The following TMEM156 variants were observed in gnomAD, a reference collection of about 807,000 sequenced individuals.
TMEM156 encodes transmembrane protein 156.
Under a neutral mutation model 30.5 loss-of-function variants are expected in TMEM156, and 28 were observed. The ratio of observed to expected loss-of-function variants is 0.92; its 90% CI spans 0.68 to 1.26. The LOEUF (loss-of-function observed/expected upper bound fraction) is 1.26, where lower values mean the gene tolerates loss of function less well. Among genes scored for constraint, TMEM156 ranks in the 50% most tolerant of loss-of-function variants. The pLI is 0.00. For synonymous variants in TMEM156, 137 were observed against 119.9 expected, an observed-to-expected ratio of 1.14 and a Z score of -0.93; for missense variants, 351 against 340.6, an observed-to-expected ratio of 1.03 and a Z score of -0.24.
At position 38,993,872 on chromosome 4, in the gene TMEM156, T is replaced by C. The variant is rs1712730839; in HGVS notation, c.485A>G (p.Lys162Arg). Residue 162 changes from lysine (K) to arginine (R), a missense_variant, in exon 3 of 7, where the codon AAA becomes AGA. By Grantham distance (26) the Lys-to-Arg change is conservative. Transcript: ENST00000381938. ...GATTGTTGATCTTCCAGTGTGGTTT[T>C]TTAGATGACAGGTAGTGTTATATTC... ...LEEYNTTCHL[K>R]NHTGRSTIME... 6.2e-7 allele frequency: 1 copy of C among 1,614,022 alleles called. No individual in the cohort carries two copies. Among genetic ancestry groups the C allele is most frequent in the Non-Finnish European group, 8.5e-7 (1 of 1,180,026 alleles).
chr4:38,978,683 C>G (rs955563782), intron 5 of TMEM156, among the ~76,000 whole-genome samples: 1 of 152,146 alleles, frequency 6.6e-6, no homozygotes, highest in Non-Finnish European at 1.5e-5. Context: ...AAAATTATTC[C>G]CAATCCAAAG....
At chr4:39,002,316 A>C (rs1713421487) in intron 1 of TMEM156, among the ~76,000 whole-genome samples, 1 of 152,138 alleles carries the variant, frequency 6.6e-6, no homozygotes, top group Non-Finnish European at 1.5e-5. Context: ...GAGAAATGCA[A>C]ATCAAAACCA....
At position 38,967,348 on chromosome 4, in the gene TMEM156, A is replaced by G. The variant is rs1354753019; in HGVS notation, c.*332T>C. 6.6e-6 allele frequency: 1 copy of G among 152,224 alleles called. No homozygotes were observed. Among genetic ancestry groups the G allele is most frequent in the Non-Finnish European group, 1.5e-5 (1 of 68,042 alleles). The allele number at this position is 152,224 out of a possible 1,614,324, so 9.4% of individuals were successfully genotyped here. ...AAAACTTGGCTCCACTCTGTGCTGT[A>G]TAATGATAGATTTTTTTTAAGAAGA... On this transcript the variant is annotated 3_prime_UTR_variant, in exon 7 of 7. Coordinates refer to ENST00000381938, the MANE Select transcript of TMEM156 (RefSeq NM_024943.3).
Position 38,999,124 on chromosome 4 carries a change from T to A in TMEM156, c.89-215A>T, listed in dbSNP as rs1006935962. On this transcript the variant is annotated intron_variant, in intron 1 of 6. Coordinates refer to ENST00000381938, the MANE Select transcript of TMEM156 (RefSeq NM_024943.3). ...TTTATTTATTTATTTTTTTTTTTTT[T>A]TTTTTTTTTTGAGACTGGATCTTGC... 5.7e-3 allele frequency among the ~76,000 whole-genome samples: 833 copies of A among 147,210 alleles called. 13 individuals carry two copies. Among genetic ancestry groups the A allele is most frequent in the South Asian group, 0.021 (99 of 4,676 alleles).
intron 6 of TMEM156, among the ~76,000 whole-genome samples, chr4:38,968,072 G>A (rs1045903912): frequency 1.3e-5 from 2 of 152,206 alleles, no homozygotes; most frequent in African/African-American, 4.8e-5. Context: ...GACTGATTCT[G>A]TGTTACGCCA....
chr4:39,004,012 G>A (rs1713557999), intron 1 of TMEM156, among the ~76,000 whole-genome samples: 1 of 151,954 alleles, frequency 6.6e-6, no homozygotes, highest in Admixed American at 6.6e-5. Flanking sequence ...TAATTGAATT[G>A]GAAAAGAAAT....
chr4:39,003,119 T>C (rs1489630865), intron 1 of TMEM156, among the ~76,000 whole-genome samples: 1 of 152,186 alleles, frequency 6.6e-6, no homozygotes, highest in African/African-American at 2.4e-5. Flanking sequence ...AGCTCATGAT[T>C]GATATTAAAG....
intron 1 of TMEM156, among the ~76,000 whole-genome samples, chr4:39,008,533 A>G (rs575482438): frequency 3.9e-5 from 6 of 152,096 alleles, no homozygotes; most frequent in Non-Finnish European, 7.4e-5. Context: ...TTCTATGTCT[A>G]TATTTATAAC....
In TMEM156 at chr4:38,992,748, T is replaced by TAA. The variant is rs376415068; in HGVS notation, c.619+989_619+990insTT. Among the ~76,000 whole-genome samples, 47 of 47,738 alleles carry TAA rather than the reference T, an allele frequency of 9.8e-4. 1 individual carries two copies. The highest frequency in any genetic ancestry group is 3.3e-3 in the African/African-American group (46 of 14,118). The allele number at this position is 47,738 out of a possible 152,430, so 31.3% of individuals were successfully genotyped here. On this transcript the variant is annotated intron_variant, in intron 3 of 6. Transcript: ENST00000381938. ...TAATATATATATAATATATAATATATTATATATATATATATTTTTTTTTGT... is the reference window on the plus strand; with the variant it reads ...TAATATATATATAATATATAATATATAATATATATATATATATTTTTTTTTGT...
chr4:39,019,693 T>TTA (rs1033091591), intron 1 of TMEM156, among the ~76,000 whole-genome samples: 3 of 152,144 alleles, frequency 2.0e-5, no homozygotes, highest in Non-Finnish European at 2.9e-5. Context: ...CTAACAAAAA[T>TTA]TATATATATA....
chr4:38,994,721 G>A (rs62294551), intron 2 of TMEM156, among the ~76,000 whole-genome samples: 11,941 of 152,232 alleles, frequency 0.078, 554 homozygotes, highest in Middle Eastern at 0.14. Context: ...GCCGAGGCAG[G>A]CAGATCACCT....
chr4:38,992,762 A>ATT (rs202114913), intron 3 of TMEM156, among the ~76,000 whole-genome samples: 1 of 95,784 alleles, frequency 1.0e-5, no homozygotes, highest in African/African-American at 4.1e-5. Context: ...ATATATATAT[A>ATT]TTTTTTTTTG....
chr4:38,971,830 C>T (rs1479209508), intron 5 of TMEM156, among the ~76,000 whole-genome samples: 1 of 151,976 alleles, frequency 6.6e-6, no homozygotes, highest in Non-Finnish European at 1.5e-5. Context: ...GCTCTTGTTG[C>T]CCAGCCTAGA....
At chr4:39,004,599 T>C (rs1448845605) in intron 1 of TMEM156, among the ~76,000 whole-genome samples, 1 of 152,154 alleles carries the variant, frequency 6.6e-6, no homozygotes, top group Non-Finnish European at 1.5e-5. Flanking sequence ...GATTTGCTTT[T>C]ACTTTGCTTA....
At chr4:38,977,454 T>A (rs960169987) in intron 5 of TMEM156, among the ~76,000 whole-genome samples, 1 of 152,156 alleles carries the variant, frequency 6.6e-6, no homozygotes. Flanking sequence ...GTATCCAAAG[T>A]CATGTAACTT....
rs1370126501 is a variant in TMEM156, at chr4:38,988,879, T to C, written c.711A>G (p.Glu237=). 1 of 1,614,064 alleles carries C rather than the reference T, an allele frequency of 6.2e-7. No individual in the cohort carries two copies. Among genetic ancestry groups the C allele is most frequent in the East Asian group, 2.2e-5 (1 of 44,862 alleles). ...LIILTIRKIL[E]GQRRVQKWQS... ...GCCACTTTTGCACTCTTCTCTGGCCTTCAAGTATTTTGCGGATAGTGAGGA... is the reference window on the plus strand; with the variant it reads ...GCCACTTTTGCACTCTTCTCTGGCCCTCAAGTATTTTGCGGATAGTGAGGA... The change falls in exon 4 of 7, where the codon GAA becomes GAG. Residue 237 remains glutamate, a synonymous_variant. Coordinates refer to ENST00000381938, the MANE Select transcript of TMEM156 (RefSeq NM_024943.3).
intron 5 of TMEM156, among the ~76,000 whole-genome samples, chr4:38,976,605 G>A (rs890867418): frequency 6.6e-6 from 1 of 152,224 alleles, no homozygotes; most frequent in Non-Finnish European, 1.5e-5. Context: ...TAATAAGTGT[G>A]TGCTGTTTTA....
At chr4:39,003,078 A>G (rs1362068185) in intron 1 of TMEM156, among the ~76,000 whole-genome samples, 1 of 152,156 alleles carries the variant, frequency 6.6e-6, no homozygotes, top group South Asian at 2.1e-4. Flanking sequence ...ACCCCTACTC[A>G]TATACCTTGC....
intron 1 of TMEM156, among the ~76,000 whole-genome samples, chr4:39,030,451 C>A (rs1330486258): frequency 3.3e-5 from 5 of 152,164 alleles, no homozygotes; most frequent in African/African-American, 1.2e-4. Context: ...CTTCTACCTA[C>A]CAATAGAAGG....
Sources: allele counts gnomAD v4.1 joint callset (sites outside exome capture counted in the v4.1 genomes callset), GRCh38; gene constraint gnomAD v4.1.1; transcripts MANE v1.5; gene names NCBI Gene and HGNC (gene_info 2026-07-23, HGNC 2026-07-21).